The following RERE variants were observed in gnomAD, a reference collection of about 807,000 sequenced individuals.
RERE encodes the protein arginine-glutamic acid dipeptide repeats protein.
In RERE, 40 loss-of-function variants were observed where a neutral mutation model predicts 146.1. The observed-to-expected ratio is 0.27, with a 90% CI of 0.21 to 0.36. The LOEUF is 0.36. RERE is among the 10% of genes least tolerant of loss of function. The pLI is 1.00. For synonymous variants in RERE, 1,003 were observed against 866.0 expected (o/e 1.16, Z -2.78); for missense variants, 1,933 against 2,138.7 (o/e 0.90, Z 1.90).
intron 12 of RERE, among the ~76,000 whole-genome samples, chr1:8,416,241 G>A (rs1369289307): frequency 6.6e-6 from 1 of 152,172 alleles, no homozygotes; most frequent in Non-Finnish European, 1.5e-5. Context: ...TTACAATCAT[G>A]TTTCTAGAAA....
chr1:8,422,699 A>C (rs1643927530), intron 12 of RERE, 28 bp downstream of exon 12: 2 of 1,529,854 alleles, frequency 1.3e-6, no homozygotes, highest in Non-Finnish European at 1.8e-6. Flanking sequence ...GGAAAAAATC[A>C]AGTTACATAA....
At chr1:8,392,918 T>C (rs952361137) in intron 12 of RERE, among the ~76,000 whole-genome samples, 3 of 152,180 alleles carry the variant, frequency 2.0e-5, no homozygotes, top group Non-Finnish European at 4.4e-5. Context: ...TTTCAAGGGT[T>C]TCCATTTCAT....
At chr1:8,698,093 A>G (rs1012953564) in intron 1 of RERE, among the ~76,000 whole-genome samples, 2 of 152,228 alleles carry the variant, frequency 1.3e-5, no homozygotes, top group African/African-American at 4.8e-5. Context: ...TATATTTAAC[A>G]TTTTTTAAAT....
chr1:8,486,929 T>G (rs1644908805), intron 10 of RERE, among the ~76,000 whole-genome samples: 1 of 152,106 alleles, frequency 6.6e-6, no homozygotes, highest in African/African-American at 2.4e-5. Flanking sequence ...ACTAATTTTT[T>G]GAGGGAGTAT....
chr1:8,690,779 G>A (rs1305901791), intron 1 of RERE, among the ~76,000 whole-genome samples: 2 of 152,180 alleles, frequency 1.3e-5, no homozygotes, highest in Non-Finnish European at 1.5e-5. Context: ...AAATAGAAGA[G>A]GAGGAGAATC....
At chr1:8,365,661 T>C (rs868405198) in intron 13 of RERE, 151 bp downstream of exon 13, 70 of 746,168 alleles carry the variant, frequency 9.4e-5, no homozygotes, top group African/African-American at 6.9e-4. Context: ...CATCGGTCTA[T>C]GTTTAGGTCA....
At chr1:8,807,781 G>A (rs1641718501) in intron 1 of RERE, among the ~76,000 whole-genome samples, 1 of 152,100 alleles carries the variant, frequency 6.6e-6, no homozygotes, top group African/African-American at 2.4e-5. Flanking sequence ...AATTGTTGGG[G>A]TCTTCTGCAA....
intron 10 of RERE, among the ~76,000 whole-genome samples, chr1:8,481,881 G>A (rs764104642): frequency 1.6e-4 from 25 of 152,178 alleles, no homozygotes; most frequent in Non-Finnish European, 3.5e-4. Flanking sequence ...CTGAGCAGAT[G>A]AGCTTTTAGG....
chr1:8,648,424 G>A (rs952674172), intron 2 of RERE, among the ~76,000 whole-genome samples: 1 of 152,062 alleles, frequency 6.6e-6, no homozygotes, highest in East Asian at 1.9e-4. Context: ...TAGAGACAAG[G>A]TTTCGCCATG....
intron 1 of RERE, chr1:8,792,257 T>C (rs1472483291): frequency 6.6e-6 from 1 of 152,206 alleles, no homozygotes; most frequent in Non-Finnish European, 1.5e-5. Context: ...ATAAGTTCAG[T>C]AATTCATACC....
chr1:8,736,390 G>A (rs1640197933), intron 1 of RERE, among the ~76,000 whole-genome samples: 1 of 152,162 alleles, frequency 6.6e-6, no homozygotes, highest in Admixed American at 6.5e-5. Flanking sequence ...GTATTTTTTA[G>A]TAGAGACGGG....
chr1:8,554,325 C>A (rs1645977730), intron 6 of RERE, among the ~76,000 whole-genome samples: 1 of 152,144 alleles, frequency 6.6e-6, no homozygotes, highest in South Asian at 2.1e-4. Flanking sequence ...CGATTAAAAT[C>A]TTTTCCCTCA....
At chr1:8,617,998 T>C (rs1208523923) in intron 3 of RERE, among the ~76,000 whole-genome samples, 1 of 152,268 alleles carries the variant, frequency 6.6e-6, no homozygotes, top group Non-Finnish European at 1.5e-5. Flanking sequence ...TGTGTTGATG[T>C]ATGCACTGTA....
chr1:8,651,842 G>A (rs967506606), intron 2 of RERE, among the ~76,000 whole-genome samples: 4 of 151,834 alleles, frequency 2.6e-5, no homozygotes, highest in African/African-American at 9.7e-5. Context: ...TTTTTTAAGA[G>A]ACAGTCTTGC....
rs146691744 is a variant in RERE at position 8,505,197 on chromosome 1, T to C, written c.879+3430A>G. ...TGCAATGAATGGCTCTCATTTAGATTCTAATTTGAACTATGAAAATATAAA... is the reference window on the plus strand; with the variant it reads ...TGCAATGAATGGCTCTCATTTAGATCCTAATTTGAACTATGAAAATATAAA... On this transcript the variant is annotated intron_variant, in intron 8 of 22. Coordinates refer to ENST00000400908, the MANE Select transcript of RERE (RefSeq NM_001042681.2). 2.1e-4 allele frequency among the ~76,000 whole-genome samples: 32 copies of C among 152,282 alleles called. No homozygotes were observed. In the East Asian group the frequency reaches 5.6e-3, roughly 27 times the overall value.
At chr1:8,359,338 C>A (rs1167433871) in intron 19 of RERE, among the ~76,000 whole-genome samples, 1 of 152,232 alleles carries the variant, frequency 6.6e-6, no homozygotes, top group Non-Finnish European at 1.5e-5. Flanking sequence ...CAGCACCCAG[C>A]CCACGAGGGG....
At chr1:8,688,843 A>G (rs1319797078) in intron 1 of RERE, among the ~76,000 whole-genome samples, 1 of 152,238 alleles carries the variant, frequency 6.6e-6, no homozygotes, top group South Asian at 2.1e-4. Context: ...GAGCATGTGT[A>G]ACATCGGCTA....
At chr1:8,399,713 G>A (rs1386789048) in intron 12 of RERE, among the ~76,000 whole-genome samples, 1 of 151,970 alleles carries the variant, frequency 6.6e-6, no homozygotes, top group Non-Finnish European at 1.5e-5. Flanking sequence ...TCTTTATAAT[G>A]CAGAGTACTT....
chr1:8,722,987 A>T (rs1557503631), intron 1 of RERE, among the ~76,000 whole-genome samples: 1 of 152,232 alleles, frequency 6.6e-6, no homozygotes, highest in Non-Finnish European at 1.5e-5. Flanking sequence ...TCAATTAATC[A>T]ACAGAGTTGT....
Sources: allele counts gnomAD v4.1 joint callset (sites outside exome capture counted in the v4.1 genomes callset), GRCh38; gene constraint gnomAD v4.1.1; transcripts MANE v1.5; gene names NCBI Gene and HGNC (gene_info 2026-07-23, HGNC 2026-07-21).